The following TMEM132B variants were observed in gnomAD, a reference collection of about 807,000 sequenced individuals.
TMEM132B encodes the protein transmembrane protein 132B.
In TMEM132B, 18 loss-of-function variants were observed where a neutral mutation model predicts 90.8. The ratio of observed to expected loss-of-function variants is 0.20; its 90% CI spans 0.14 to 0.29. TMEM132B has a LOEUF of 0.29. Ranked by LOEUF, TMEM132B falls within the 10% of genes least tolerant of loss-of-function variation. TMEM132B has a pLI of 1.00. For synonymous variants in TMEM132B, 504 were observed against 523.3 expected (o/e 0.96, Z 0.50); for missense variants, 1,096 against 1,326.8 (o/e 0.83, Z 2.70).
At chr12:125,486,123 C>T (rs968257751) in intron 3 of TMEM132B, among the ~76,000 whole-genome samples, 5 of 152,118 alleles carry the variant, frequency 3.3e-5, no homozygotes, top group Non-Finnish European at 7.4e-5. Flanking sequence ...ATGCTGCATT[C>T]GTCTAAGTCC....
At chr12:125,386,019 A>G (rs146573573) in intron 2 of TMEM132B, among the ~76,000 whole-genome samples, 79 of 152,232 alleles carry the variant, frequency 5.2e-4, no homozygotes, top group African/African-American at 1.8e-3. Flanking sequence ...TTGAGACAGG[A>G]TCTCACTCTG....
rs1173487397 is a variant in TMEM132B, at chr12:125,657,527, C to A, written c.*2817C>A. ...GAAGATCATAAACCATGGGTTATAG[C>A]ACCTTGTTTTCCAGCTAGTCAATAT... On this transcript the variant is annotated 3_prime_UTR_variant, in exon 9 of 9. Coordinates refer to ENST00000682704, the MANE Select transcript of TMEM132B (RefSeq NM_001366854.1). The A allele has an allele frequency of 6.6e-6, 1 of 152,154 alleles. No homozygotes were observed. Among genetic ancestry groups the A allele is most frequent in the Non-Finnish European group, 1.5e-5 (1 of 68,040 alleles). The allele number at this position is 152,154 out of a possible 1,614,324, so 9.4% of individuals were successfully genotyped here. A position where few individuals can be genotyped will look rare whatever the true frequency, so the allele number is the denominator to read the frequency against.
chr12:125,432,528 T>TATATATATAGAGAGAG (rs1458075923), intron 3 of TMEM132B, among the ~76,000 whole-genome samples: 1 of 39,128 alleles, frequency 2.6e-5, no homozygotes, highest in African/African-American at 1.2e-4. Context: ...TATATATATA[T>TATATATATAGAGAGAG]AGAGAGAGAG....
chr12:125,528,276 C>T (rs997248991), intron 4 of TMEM132B, among the ~76,000 whole-genome samples: 3 of 152,084 alleles, frequency 2.0e-5, no homozygotes, highest in Non-Finnish European at 2.9e-5. Context: ...GGCTGCAGTC[C>T]ACCCTTCAAC....
At chr12:125,281,340 G>A (rs1875164341) in intron 1 of TMEM132B, among the ~76,000 whole-genome samples, 1 of 152,142 alleles carries the variant, frequency 6.6e-6, no homozygotes, top group Admixed American at 6.5e-5. Flanking sequence ...GGTAGGGTTG[G>A]AGAATAGATG....
chr12:125,187,681 C>T (rs1168054534), intron 1 of TMEM132B, among the ~76,000 whole-genome samples: 1 of 152,158 alleles, frequency 6.6e-6, no homozygotes, highest in Non-Finnish European at 1.5e-5. Flanking sequence ...TATTGTCTGT[C>T]TTCGCTGGAG....
At chr12:125,315,490 C>T (rs148361970) in intron 1 of TMEM132B, among the ~76,000 whole-genome samples, 2,340 of 152,326 alleles carry the variant, frequency 0.015, 197 homozygotes, top group Admixed American at 0.14. Context: ...TGAACCACCA[C>T]GCCTGGTCAA....
chr12:125,495,162 T>G (rs1882521378), intron 3 of TMEM132B, among the ~76,000 whole-genome samples: 1 of 100,792 alleles, frequency 9.9e-6, no homozygotes, highest in Admixed American at 1.2e-4. Flanking sequence ...TCCCTGAAAA[T>G]GGCCGCGTCC....
intron 3 of TMEM132B, among the ~76,000 whole-genome samples, chr12:125,515,636 AT>A (rs2136646253): frequency 6.6e-6 from 1 of 150,486 alleles, no homozygotes; most frequent in African/African-American, 2.4e-5. Context: ...AGTCACACAC[AT>A]TGACACATTC....
At position 125,415,639 on chromosome 12, in the gene TMEM132B, C is replaced by T; in HGVS notation, c.1068C>T (p.Thr356=). Residue 356 remains threonine, a synonymous_variant, in exon 3 of 9, where the codon ACC becomes ACT. Transcript: ENST00000682704. The surrounding 1 kb of genome is among the most constrained non-coding windows in gnomAD (Gnocchi z 5.3). ...ATGGCAGCACTCAGACGTCGGCCAC[C>T]CTCACCTGCATGGGCCATCGCCCGG... ...IDNGSTQTSA[T]LTCMGHRPDT... is the part of the protein sequence containing the mutation. 2 of 1,614,198 alleles carry T rather than the reference C, an allele frequency of 1.2e-6. No individual in the cohort carries two copies. The highest frequency in any genetic ancestry group is 1.7e-6 in the Non-Finnish European group (2 of 1,180,040).
chr12:125,265,362 TAGTA>T (rs1874663941), intron 1 of TMEM132B, among the ~76,000 whole-genome samples: 1 of 152,024 alleles, frequency 6.6e-6, no homozygotes, highest in African/African-American at 2.4e-5. Flanking sequence ...AAATTAGACA[TAGTA>T]AGAGATGAAT....
At chr12:125,501,555 G>T (rs917793079) in intron 3 of TMEM132B, among the ~76,000 whole-genome samples, 17 of 152,100 alleles carry the variant, frequency 1.1e-4, no homozygotes, top group African/African-American at 4.1e-4. Context: ...ACAGGCCCCA[G>T]TGTGTGTTGT....
intron 5 of TMEM132B, chr12:125,586,253 A>G (rs1289419033): frequency 6.6e-6 from 1 of 152,202 alleles, no homozygotes; most frequent in Non-Finnish European, 1.5e-5. Context: ...ATAAGGGAAA[A>G]ATGTGAATTT....
chr12:125,542,248 C>A (rs1051204155), intron 4 of TMEM132B, among the ~76,000 whole-genome samples: 2 of 152,106 alleles, frequency 1.3e-5, no homozygotes, highest in African/African-American at 4.8e-5. Context: ...TGTCTTTCTT[C>A]AAGAGTCTGC....
At chr12:125,279,839 A>G (rs1310604739) in intron 1 of TMEM132B, among the ~76,000 whole-genome samples, 1 of 152,214 alleles carries the variant, frequency 6.6e-6, no homozygotes, top group Non-Finnish European at 1.5e-5. Flanking sequence ...CCATTAAAAC[A>G]ATTCAGAGTC....
chr12:125,473,434 G>A (rs1283403336), intron 3 of TMEM132B, among the ~76,000 whole-genome samples: 1 of 152,166 alleles, frequency 6.6e-6, no homozygotes, highest in Non-Finnish European at 1.5e-5. Flanking sequence ...GCTCCATGAA[G>A]GTAGATGATA....
chr12:125,594,476 A>T (rs1159712240), intron 5 of TMEM132B, among the ~76,000 whole-genome samples: 2 of 152,228 alleles, frequency 1.3e-5, no homozygotes, highest in African/African-American at 2.4e-5. Flanking sequence ...TAAAGTGGTT[A>T]CACCATTTTA....
At chr12:125,477,409 C>T (rs932046799) in intron 3 of TMEM132B, among the ~76,000 whole-genome samples, 1 of 152,068 alleles carries the variant, frequency 6.6e-6, no homozygotes, top group Non-Finnish European at 1.5e-5. Flanking sequence ...TGGCTCAATC[C>T]ACCCCTTTCC....
chr12:125,349,628 C>G lies in TMEM132B; in HGVS notation c.244C>G (p.Arg82Gly). Residue 82 changes from arginine (R) to glycine (G), a missense_variant, in exon 2 of 9, where the codon CGA (arginine) becomes GGA (glycine). Transcript: ENST00000682704. This position sits in a 1 kb window ranked among gnomAD's most constrained non-coding sequence, Gnocchi z 4.1. The part of the protein sequence containing the change: ...QARVEPFFIY[R>G]ARTPPIINAS... ...CCGGGTGGAGCCATTCTTCATCTAC[C>G]GAGCCAGGACACCCCCTATTATCAA... The G allele has an allele frequency of 6.2e-7, 1 of 1,614,104 alleles. No homozygotes were observed. Among genetic ancestry groups the G allele is most frequent in the Non-Finnish European group, 8.5e-7 (1 of 1,180,016 alleles).
Sources: allele counts gnomAD v4.1 joint callset (sites outside exome capture counted in the v4.1 genomes callset), GRCh38; gene constraint gnomAD v4.1.1; non-coding constraint Gnocchi (gnomAD v3.1); transcripts MANE v1.5; gene names NCBI Gene and HGNC (gene_info 2026-07-23, HGNC 2026-07-21).